Variants in GNAI1 observed in about 807,000 individuals in gnomAD.
The protein encoded by GNAI1 is guanine nucleotide-binding protein G(i) subunit alpha-1.
GNAI1 carries 11 observed loss-of-function variants against 38.9 expected under a neutral mutation model. That is an observed-to-expected ratio of 0.28 (90% CI 0.18 to 0.47). The LOEUF (loss-of-function observed/expected upper bound fraction) is 0.47. GNAI1 is among the 20% of genes least tolerant of loss of function. GNAI1 has a pLI of 0.99. For synonymous variants in GNAI1, 166 were observed against 145.1 expected, an observed-to-expected ratio of 1.14 and a Z score of -1.04; for missense variants, 317 against 436.9, an observed-to-expected ratio of 0.73 and a Z score of 2.45.
chr7:80,135,292 G>A lies in GNAI1; in HGVS notation c.118+14G>A, dbSNP rs773505526. 5 of 1,417,194 alleles carry A rather than the reference G, an allele frequency of 3.5e-6. No individual in the cohort carries two copies. The highest frequency in any genetic ancestry group is 2.5e-4 in the Middle Eastern group (1 of 4,036). The allele number at this position is 1,417,194 out of a possible 1,614,324, so 87.8% of individuals were successfully genotyped here. A position where few individuals can be genotyped will look rare whatever the true frequency, so the allele number is the denominator to read the frequency against. ...TGCTGCTGCTCGGTAAGGGCGGCCGGGTCGGGGCCCGGGGGTCGGCGGGGG... is the reference window on the plus strand; with the variant it reads ...TGCTGCTGCTCGGTAAGGGCGGCCGAGTCGGGGCCCGGGGGTCGGCGGGGG... On this transcript the variant is annotated intron_variant, in intron 1 of 7. Coordinates refer to ENST00000649796, the MANE Select transcript of GNAI1 (RefSeq NM_002069.6).
rs1032945810 is a variant in GNAI1 at position 80,225,468 on chromosome 7, G to GT, written c.*7982dup. ...TAATGTTGTTATTGTGTTGTGTTTT[G>GT]TTTTTTTAATATGTTTCAATTCCCC... On this transcript the variant is annotated 3_prime_UTR_variant, in exon 8 of 8. Coordinates refer to ENST00000649796, the MANE Select transcript of GNAI1 (RefSeq NM_002069.6). Among the ~76,000 whole-genome samples, 89 of 151,854 alleles carry GT rather than the reference G, an allele frequency of 5.9e-4. No individual in the cohort carries two copies. Among genetic ancestry groups the GT allele is most frequent in the African/African-American group, 2.0e-3 (84 of 41,434 alleles).
intron 1 of GNAI1, among the ~76,000 whole-genome samples, chr7:80,139,265 T>C (rs2116065165): frequency 6.6e-6 from 1 of 152,322 alleles, no homozygotes; most frequent in African/African-American, 2.4e-5. Context: ...CTAATTCCAA[T>C]AGGCTCTCTT....
intron 3 of GNAI1, among the ~76,000 whole-genome samples, chr7:80,195,764 A>G (rs1458605594): frequency 6.6e-6 from 1 of 151,998 alleles, no homozygotes; most frequent in Non-Finnish European, 1.5e-5. Context: ...TATCTGCTGT[A>G]TTACAATAGT....
chr7:80,213,380 T>C (rs1297301839), intron 7 of GNAI1, among the ~76,000 whole-genome samples: 1 of 152,182 alleles, frequency 6.6e-6, no homozygotes, highest in Non-Finnish European at 1.5e-5. Context: ...ATGAGACTGT[T>C]AATAGTGCTT....
intron 1 of GNAI1, among the ~76,000 whole-genome samples, chr7:80,145,686 T>C (rs1787607299): frequency 6.6e-6 from 1 of 152,220 alleles, no homozygotes; most frequent in African/African-American, 2.4e-5. Flanking sequence ...TTTCATAGTC[T>C]GAAAAACGAT....
At chr7:80,189,944 T>C (rs1369271584) in intron 3 of GNAI1, among the ~76,000 whole-genome samples, 3 of 151,708 alleles carry the variant, frequency 2.0e-5, no homozygotes, top group African/African-American at 4.8e-5. Context: ...TTTGTTTTCT[T>C]TTTTTTTCTC....
chr7:80,211,581 G>A (rs1485396244), intron 6 of GNAI1, among the ~76,000 whole-genome samples: 2 of 151,998 alleles, frequency 1.3e-5, no homozygotes, highest in Non-Finnish European at 2.9e-5. Context: ...ACCACACCCA[G>A]CTGATTTTTG....
chr7:80,181,994 C>T (rs1788302261), intron 1 of GNAI1, among the ~76,000 whole-genome samples: 1 of 152,094 alleles, frequency 6.6e-6, no homozygotes, highest in Admixed American at 6.5e-5. Flanking sequence ...TTCATCGTAA[C>T]TAAAACTTGG....
chr7:80,159,626 C>T (rs916776605), intron 1 of GNAI1, among the ~76,000 whole-genome samples: 4 of 152,154 alleles, frequency 2.6e-5, no homozygotes, highest in Non-Finnish European at 4.4e-5. Flanking sequence ...GTGCTGAGAA[C>T]ATTCAGCACA....
rs1171374476 is a variant in GNAI1, at chr7:80,135,078, T to TA, written c.-82dup. 6 of 936,276 alleles carry TA rather than the reference T, an allele frequency of 6.4e-6. No individual in the cohort carries two copies. The highest frequency in any genetic ancestry group is 2.3e-4 in the Middle Eastern group (1 of 4,278). The allele number at this position is 936,276 out of a possible 1,614,324, so 58.0% of individuals were successfully genotyped here. On this transcript the variant is annotated 5_prime_UTR_variant, in exon 1 of 8. Transcript: ENST00000649796. Reference sequence around the variant, plus strand: ...CGTCGGGAGGCGTTCGAACGCCCGCTAGGAGAGAGAAAGGATTCCCCTGTG... The same window carrying TA: ...CGTCGGGAGGCGTTCGAACGCCCGCTAAGGAGAGAGAAAGGATTCCCCTGTG...
At position 80,225,700 on chromosome 7, in the gene GNAI1, C is replaced by A. The variant is rs537237685; in HGVS notation, c.*8207C>A. 1.1e-4 allele frequency among the ~76,000 whole-genome samples: 17 copies of A among 152,206 alleles called. No homozygotes were observed. The highest frequency in any genetic ancestry group is 4.1e-4 in the African/African-American group (17 of 41,534). On this transcript the variant is annotated 3_prime_UTR_variant, in exon 8 of 8. Transcript: ENST00000649796. ...TGCATGTTTTGTTTTTTGATAAAGA[C>A]AGAAGATTGCAAATGGTTTGCTCTT...
At chr7:80,203,900 G>T (rs370840832) in intron 5 of GNAI1, 68 bp downstream of exon 5, 2 of 924,606 alleles carry the variant, frequency 2.2e-6, no homozygotes, top group African/African-American at 3.5e-5. Flanking sequence ...AATAAAAAGT[G>T]TAATAAAAGT....
chr7:80,161,706 C>A (rs1223005766), intron 1 of GNAI1, among the ~76,000 whole-genome samples: 1 of 152,134 alleles, frequency 6.6e-6, no homozygotes, highest in Non-Finnish European at 1.5e-5. Context: ...AAAGTGGGAG[C>A]TCCACAACTC....
rs141740416 is a variant in GNAI1, at chr7:80,215,699, G to T, written c.875-1604G>T. 4.9e-3 allele frequency among the ~76,000 whole-genome samples: 739 copies of T among 152,208 alleles called. 5 individuals carry two copies. Among genetic ancestry groups the T allele is most frequent in the Non-Finnish European group, 7.9e-3 (537 of 68,010 alleles). On this transcript the variant is annotated intron_variant, in intron 7 of 7. Coordinates refer to ENST00000649796, the MANE Select transcript of GNAI1 (RefSeq NM_002069.6). The stretch of plus-strand genomic sequence containing the variant: ...GTTTAGGAGATTCAGCACTGAAAAA[G>T]AATTTAAGACTCTATAAAGCAATAT...
At chr7:80,193,631 T>C (rs1788518062) in intron 3 of GNAI1, among the ~76,000 whole-genome samples, 1 of 152,176 alleles carries the variant, frequency 6.6e-6, no homozygotes, top group Non-Finnish European at 1.5e-5. Context: ...GGAGAGCTGT[T>C]CAAAATGTGA....
chr7:80,135,838 G>A, intron 1 of GNAI1: 1 of 984,964 alleles, frequency 1.0e-6, no homozygotes, highest in Non-Finnish European at 1.2e-6. Context: ...TCCTTAAGTG[G>A]TCAAGGAGCG....
intron 3 of GNAI1, among the ~76,000 whole-genome samples, chr7:80,190,053 T>C (rs1443994722): frequency 2.0e-5 from 3 of 152,112 alleles, no homozygotes; most frequent in Non-Finnish European, 4.4e-5. Flanking sequence ...TATAATTCTG[T>C]ATATTCAGTA....
intron 1 of GNAI1, among the ~76,000 whole-genome samples, chr7:80,170,103 C>T (rs1689747371): frequency 6.6e-6 from 1 of 152,158 alleles, no homozygotes; most frequent in South Asian, 2.1e-4. Flanking sequence ...CACCATTTTG[C>T]TATTATGATG....
intron 1 of GNAI1, among the ~76,000 whole-genome samples, chr7:80,167,822 C>A (rs1251676551): frequency 6.6e-6 from 1 of 152,130 alleles, no homozygotes; most frequent in Non-Finnish European, 1.5e-5. Flanking sequence ...GCAGTAGTTG[C>A]ATTGCTGGAA....
Sources: allele counts gnomAD v4.1 joint callset (sites outside exome capture counted in the v4.1 genomes callset), GRCh38; gene constraint gnomAD v4.1.1; transcripts MANE v1.5; gene names NCBI Gene and HGNC (gene_info 2026-07-23, HGNC 2026-07-21).